The following DHRS9 variants were observed in gnomAD, a reference collection of about 807,000 sequenced individuals.
DHRS9 encodes the protein dehydrogenase/reductase SDR family member 9.
In DHRS9, 18 loss-of-function variants were observed where a neutral mutation model predicts 26.6. That is an observed-to-expected ratio of 0.68 (90% confidence interval 0.47 to 1.00). DHRS9 has a LOEUF of 1.00. DHRS9 is among the 50% of genes least tolerant of loss of function. DHRS9 has a pLI of 0.00. For synonymous variants in DHRS9, 134 were observed against 141.1 expected (o/e 0.95, Z 0.36); for missense variants, 425 against 378.7 (o/e 1.12, Z -1.01).
chr2:169,078,840 T>TTTTTTTTTTTG (rs1553478929), intron 1 of DHRS9, among the ~76,000 whole-genome samples: 1 of 137,356 alleles, frequency 7.3e-6, no homozygotes, highest in African/African-American at 3.0e-5. Flanking sequence ...TTTTTTTTTT[T>TTTTTTTTTTTG]TGTGACAGAG....
At chr2:169,092,247 C>A (rs1217116722) in intron 4 of DHRS9, among the ~76,000 whole-genome samples, 1 of 152,158 alleles carries the variant, frequency 6.6e-6, no homozygotes. Flanking sequence ...AAATGTCCTG[C>A]TCAAGATTAC....
intron 3 of DHRS9, 70 bp downstream of exon 3, chr2:169,083,657 C>T: frequency 1.3e-6 from 2 of 1,543,184 alleles, no homozygotes; most frequent in Non-Finnish European, 1.8e-6. Flanking sequence ...ATGTACAAGA[C>T]ATCCTATTTA....
rs1574019107 is a variant in DHRS9, at chr2:169,072,914, T to A, written c.-60+3197T>A. Among the ~76,000 whole-genome samples the A allele has an allele frequency of 2.0e-5, 3 of 152,320 alleles. No individual in the cohort carries two copies. In the South Asian group the frequency reaches 6.2e-4, roughly 32 times the overall value. On this transcript the variant is annotated intron_variant, in intron 1 of 4. Transcript: ENST00000674881. Reference sequence around the variant, plus strand: ...TGACCTCTACTCTACACCAGAAATATCTTGACAATTACATGAGATAAATAT... The same window carrying A: ...TGACCTCTACTCTACACCAGAAATAACTTGACAATTACATGAGATAAATAT...
At chr2:169,092,985 T>C (rs1376525889) in intron 4 of DHRS9, among the ~76,000 whole-genome samples, 1 of 152,166 alleles carries the variant, frequency 6.6e-6, no homozygotes, top group Non-Finnish European at 1.5e-5. Context: ...GTGCCATTTA[T>C]GCTTGGCCAT....
upstream of DHRS9, among the ~76,000 whole-genome samples, chr2:169,068,059 A>G (rs1683696418): frequency 6.6e-6 from 1 of 152,242 alleles, no homozygotes; most frequent in African/African-American, 2.4e-5. Context: ...AACTATTGTT[A>G]TAACTTTTTC....
intron 1 of DHRS9, chr2:169,072,609 G>A (rs1020198659): frequency 4.0e-5 from 39 of 985,342 alleles, no homozygotes; most frequent in Non-Finnish European, 4.6e-5. Context: ...AAAAGCAGAA[G>A]TGATCAAGGA....
At chr2:169,075,304 C>G (rs948472468) in intron 1 of DHRS9, among the ~76,000 whole-genome samples, 1 of 152,094 alleles carries the variant, frequency 6.6e-6, no homozygotes, top group Non-Finnish European at 1.5e-5. Context: ...AATATTAACA[C>G]TTTACCACAT....
Position 169,083,552 on chromosome 2 carries a change from C to G in DHRS9, c.537C>G (p.Ser179=), listed in dbSNP as rs943348926. 1.4e-5 allele frequency: 23 copies of G among 1,613,868 alleles called. No individual in the cohort carries two copies. Among genetic ancestry groups the G allele is most frequent in the Non-Finnish European group, 1.7e-5 (20 of 1,179,986 alleles). Residue 179 remains serine (S), a synonymous_variant, in exon 3 of 5, where the codon TCC becomes TCG. Transcript: ENST00000674881. ...LAIVGGGYTP[S]KYAVEGFNDS... is the part of the protein sequence containing the mutation. ...TCGTTGGAGGGGGCTATACTCCATC[C>G]AAATATGCAGTGGAAGGTTTCAATG...
chr2:169,073,966 T>C (rs1297627872), intron 1 of DHRS9, among the ~76,000 whole-genome samples: 4 of 152,140 alleles, frequency 2.6e-5, no homozygotes, highest in Non-Finnish European at 5.9e-5. Context: ...TTTTCACAAC[T>C]TGGGGAGGGG....
rs190550123 is a variant in DHRS9 at position 169,075,024 on chromosome 2, A to G, written c.-60+5307A>G. On this transcript the variant is annotated intron_variant, in intron 1 of 4. Transcript: ENST00000674881. ...GGACAAGGAGTAAAGAGGGAATCCAACTACTTAGATTTGAGCTTTCGTTCT... is the reference window on the plus strand; with the variant it reads ...GGACAAGGAGTAAAGAGGGAATCCAGCTACTTAGATTTGAGCTTTCGTTCT... Among the ~76,000 whole-genome samples, 447 of 152,310 alleles carry G rather than the reference A, an allele frequency of 2.9e-3. 3 individuals are homozygous for G. The highest frequency in any genetic ancestry group is 3.4e-3 in the Middle Eastern group (1 of 294).
upstream of DHRS9, chr2:169,069,452 G>C (rs1289120221): frequency 1.0e-6 from 1 of 985,276 alleles, no homozygotes; most frequent in African/African-American, 1.7e-5. Flanking sequence ...GCGACCTACA[G>C]CTTCTTGGCT....
chr2:169,076,794 A>G (rs1683975751), intron 1 of DHRS9, among the ~76,000 whole-genome samples: 2 of 152,258 alleles, frequency 1.3e-5, no homozygotes, highest in African/African-American at 4.8e-5. Flanking sequence ...ACTGTTGACC[A>G]GAAGCCTTAC....
chr2:169,088,447 A>G (rs1386533169), intron 3 of DHRS9, among the ~76,000 whole-genome samples: 2 of 152,180 alleles, frequency 1.3e-5, no homozygotes, highest in East Asian at 1.9e-4. Context: ...ATGAAGTTAA[A>G]GTGATATAAA....
chr2:169,083,565 G>T lies in DHRS9; in HGVS notation c.550G>T (p.Glu184Ter). ...GGYTPSKYAV[E>*]GFNDSLRRDM... ...CTATACTCCATCCAAATATGCAGTG[G>T]AAGGTTTCAATGACAGCTTAAGGTA... The change falls in exon 3 of 5, where the codon GAA becomes TAA. Residue 184 changes from glutamate (E) to a stop codon, truncating the protein, a stop_gained. Transcript: ENST00000674881. LOFTEE classifies it high-confidence loss of function. 1 of 1,614,044 alleles carries T rather than the reference G, an allele frequency of 6.2e-7. No individual in the cohort carries two copies.
intron 4 of DHRS9, among the ~76,000 whole-genome samples, chr2:169,094,934 C>T (rs2105306766): frequency 6.6e-6 from 1 of 152,210 alleles, no homozygotes; most frequent in Non-Finnish European, 1.5e-5. Context: ...TTTTAGCTTC[C>T]TGAGTCAGTA....
At chr2:169,075,220 T>A (rs975452149) in intron 1 of DHRS9, among the ~76,000 whole-genome samples, 1 of 152,186 alleles carries the variant, frequency 6.6e-6, no homozygotes, top group African/African-American at 2.4e-5. Flanking sequence ...CTTTGCCAAA[T>A]TTTTAACTTT....
chr2:169,072,790 T>C (rs1449514645), intron 1 of DHRS9: 5 of 309,096 alleles, frequency 1.6e-5, no homozygotes, highest in Non-Finnish European at 2.4e-5. Context: ...TGTCGACTGA[T>C]AATGTGTTCA....
In DHRS9 at chr2:169,096,029, A is replaced by G; in HGVS notation, c.*262A>G. ...AGGCTTTGCCTGCTTGGTGTGATGT[A>G]AGGGAAATTGAAAGACTTGCCCATT... On this transcript the variant is annotated 3_prime_UTR_variant, in exon 5 of 5. Coordinates refer to ENST00000674881, the MANE Select transcript of DHRS9 (RefSeq NM_001376924.1). The G allele has an allele frequency of 2.1e-6, 1 of 482,446 alleles. No homozygotes were observed. The highest frequency in any genetic ancestry group is 2.7e-5 in the South Asian group (1 of 36,730). The allele number at this position is 482,446 out of a possible 1,614,324, so 29.9% of individuals were successfully genotyped here. A position where few individuals can be genotyped will look rare whatever the true frequency, so the allele number is the denominator to read the frequency against.
At chr2:169,073,896 T>C (rs1683884703) in intron 1 of DHRS9, among the ~76,000 whole-genome samples, 1 of 152,152 alleles carries the variant, frequency 6.6e-6, no homozygotes, top group African/African-American at 2.4e-5. Flanking sequence ...ACAGTGGTTC[T>C]AAACTGGGGG....
Sources: gnomAD v4.1 joint callset for allele counts (sites outside exome capture counted in the v4.1 genomes callset) on GRCh38, gnomAD v4.1.1 for gene constraint, MANE v1.5 for transcripts, NCBI Gene and HGNC (gene_info 2026-07-23, HGNC 2026-07-21) for gene names.